The following PNPLA8 variants were observed in gnomAD, a reference collection of about 807,000 sequenced individuals.
PNPLA8 encodes the protein calcium-independent phospholipase A2-gamma.
In PNPLA8, 39 loss-of-function variants were observed where a neutral mutation model predicts 76.9. That is an observed-to-expected ratio of 0.51 (90% CI 0.39 to 0.66). PNPLA8 has a LOEUF of 0.66. Among genes scored for constraint, PNPLA8 ranks in the 30% least tolerant of loss-of-function variants. The pLI, the probability that PNPLA8 is intolerant of heterozygous loss-of-function variation, is 0.00. For missense variants in PNPLA8, 887 were observed against 918.0 expected (o/e 0.97, Z 0.44); for synonymous variants, 301 against 307.9 (o/e 0.98, Z 0.24).
chr7:108,513,061 C>T (rs1181961618), intron 4 of PNPLA8, among the ~76,000 whole-genome samples: 4 of 152,052 alleles, frequency 2.6e-5, no homozygotes, highest in African/African-American at 9.7e-5. Context: ...ATTGTTGGTG[C>T]CTTGATTTTG....
intron 1 of PNPLA8, among the ~76,000 whole-genome samples, chr7:108,524,270 T>C (rs1427467773): frequency 6.6e-6 from 1 of 152,228 alleles, no homozygotes; most frequent in African/African-American, 2.4e-5. Context: ...TTTTCCATAA[T>C]ATTTCAGGAT....
chr7:108,484,927 T>C (rs1177647926), intron 9 of PNPLA8, among the ~76,000 whole-genome samples: 2 of 152,170 alleles, frequency 1.3e-5, no homozygotes, highest in Admixed American at 1.3e-4. Flanking sequence ...AAATTATTAA[T>C]TGTGGTTTGG....
At chr7:108,512,599 T>C (rs1373541624) in intron 4 of PNPLA8, among the ~76,000 whole-genome samples, 1 of 152,202 alleles carries the variant, frequency 6.6e-6, no homozygotes, top group East Asian at 1.9e-4. Context: ...AGATGTTTTA[T>C]AAAAATTCTA....
chr7:108,513,088 G>A (rs1224618452), intron 4 of PNPLA8, among the ~76,000 whole-genome samples: 1 of 152,078 alleles, frequency 6.6e-6, no homozygotes, highest in Non-Finnish European at 1.5e-5. Context: ...CCAGCCTCCA[G>A]AACTATGAGA....
At chr7:108,486,062 A>T (rs1240027783) in intron 9 of PNPLA8, among the ~76,000 whole-genome samples, 2 of 152,094 alleles carry the variant, frequency 1.3e-5, no homozygotes. Context: ...AAATATCACT[A>T]ATCTATCTGA....
In PNPLA8 at chr7:108,471,656, T is replaced by C. The variant is rs1859638540; in HGVS notation, c.*745A>G. On this transcript the variant is annotated 3_prime_UTR_variant, in exon 11 of 11. Coordinates refer to ENST00000257694, the MANE Select transcript of PNPLA8 (RefSeq NM_001256007.3). ...TTAAATAGTTTATTTTTGTTAATGA[T>C]AGGAATATCTCCTCAGTAAGTTCAA... The C allele has an allele frequency of 6.6e-6, 1 of 152,246 alleles. No individual in the cohort carries two copies. Among genetic ancestry groups the C allele is most frequent in the Non-Finnish European group, 1.5e-5 (1 of 68,050 alleles). The allele number at this position is 152,246 out of a possible 1,614,324, so 9.4% of individuals were successfully genotyped here.
intron 10 of PNPLA8, among the ~76,000 whole-genome samples, chr7:108,473,252 A>C (rs1384870877): frequency 6.6e-6 from 1 of 152,164 alleles, no homozygotes; most frequent in Non-Finnish European, 1.5e-5. Flanking sequence ...AGCATATATC[A>C]ATAGTTCCTT....
At chr7:108,485,350 T>C (rs1391666597) in intron 9 of PNPLA8, among the ~76,000 whole-genome samples, 2 of 152,290 alleles carry the variant, frequency 1.3e-5, no homozygotes, top group African/African-American at 2.4e-5. Flanking sequence ...CTTATAAATG[T>C]TGTAATAATC....
chr7:108,486,668 A>G (rs1169809457), intron 9 of PNPLA8, among the ~76,000 whole-genome samples: 1 of 152,144 alleles, frequency 6.6e-6, no homozygotes, highest in Admixed American at 6.5e-5. Flanking sequence ...ATAACATTTT[A>G]AAATATATAT....
chr7:108,502,942 G>T (rs759540607), intron 4 of PNPLA8, among the ~76,000 whole-genome samples: 22 of 152,008 alleles, frequency 1.4e-4, no homozygotes, highest in Admixed American at 4.6e-4. Context: ...TATAACAAAA[G>T]GTTAACATTA....
intron 1 of PNPLA8, among the ~76,000 whole-genome samples, chr7:108,523,071 G>T (rs1863854617): frequency 6.6e-6 from 1 of 152,052 alleles, no homozygotes; most frequent in South Asian, 2.1e-4. Flanking sequence ...ATCATCAACT[G>T]AAAAAAGAGC....
At position 108,487,963 on chromosome 7, in the gene PNPLA8, G is replaced by GA; in HGVS notation, c.1684-11dup. The GA allele has an allele frequency of 6.5e-7, 1 of 1,532,218 alleles. No individual in the cohort carries two copies. Among genetic ancestry groups the GA allele is most frequent in the Non-Finnish European group, 9.0e-7 (1 of 1,117,086 alleles). 94.9% of individuals were successfully genotyped at this position (1,532,218 alleles called of 1,614,324 possible). On this transcript the variant is annotated splice_polypyrimidine_tract_variant and intron_variant, in intron 8 of 10. Transcript: ENST00000257694. The stretch of plus-strand genomic sequence containing the variant: ...TACTTACAGCAGCTACCTAGTGAAT[G>GA]AAAAAGTGAACAATTCCATCATTAA...
intron 10 of PNPLA8, among the ~76,000 whole-genome samples, chr7:108,475,390 G>C (rs1486124575): frequency 1.3e-5 from 2 of 152,066 alleles, no homozygotes; most frequent in Non-Finnish European, 1.5e-5. Context: ...AGAGGTTGGA[G>C]ACCACTATTC....
At chr7:108,476,792 A>G (rs1436323353) in intron 10 of PNPLA8, among the ~76,000 whole-genome samples, 1 of 152,172 alleles carries the variant, frequency 6.6e-6, no homozygotes, top group East Asian at 1.9e-4. Context: ...ACACACAAGA[A>G]TCCTATTCTG....
intron 7 of PNPLA8, 86 bp downstream of exon 7, chr7:108,496,493 GAATAT>G (rs1220505800): frequency 2.5e-4 from 184 of 721,746 alleles, no homozygotes; most frequent in Admixed American, 3.7e-4. Context: ...TAATATGCAA[GAATAT>G]AATTTAATAT....
intron 5 of PNPLA8, among the ~76,000 whole-genome samples, chr7:108,500,955 C>A (rs1861895814): frequency 6.6e-6 from 1 of 152,066 alleles, no homozygotes; most frequent in African/African-American, 2.4e-5. Context: ...CTTCCTCCTG[C>A]CTTCCACTGC....
At position 108,502,497 on chromosome 7, in the gene PNPLA8, C is replaced by T; in HGVS notation, c.1352G>A (p.Gly451Glu). ...ATCATGTTCCTAGCCTTACCTTGTT[C>T]CTCCACCATCAATTGAGAGAATTCG... ...GIRILSIDGG[G>E]TRGVVALQTL... is the part of the protein sequence containing the mutation. The change falls in exon 5 of 11, where the codon GGA becomes GAA. Residue 451 changes from glycine to glutamate, a missense_variant. By Grantham distance (98) the Gly-to-Glu change is moderately conservative. Transcript: ENST00000257694. The T allele has an allele frequency of 6.9e-7, 1 of 1,447,970 alleles. No individual in the cohort carries two copies. 89.7% of individuals were successfully genotyped at this position (1,447,970 alleles called of 1,614,324 possible).
At chr7:108,526,546 G>GCTGAGT (rs1370672040), upstream of PNPLA8, among the ~76,000 whole-genome samples, 3 of 152,180 alleles carry the variant, frequency 2.0e-5, no homozygotes, top group Admixed American at 6.5e-5. Context: ...CCCTCTCCGC[G>GCTGAGT]TCCCTGAAGC....
chr7:108,495,337 T>G (rs929393916), intron 7 of PNPLA8, among the ~76,000 whole-genome samples: 5 of 152,194 alleles, frequency 3.3e-5, no homozygotes, highest in Non-Finnish European at 7.4e-5. Context: ...AAAAACAGTA[T>G]ATCCATAAAA....
Sources: allele counts gnomAD v4.1 joint callset (sites outside exome capture counted in the v4.1 genomes callset), GRCh38; gene constraint gnomAD v4.1.1; transcripts MANE v1.5; gene names NCBI Gene and HGNC (gene_info 2026-07-23, HGNC 2026-07-21).